ADGRA2: variants seen among roughly 807,000 people sequenced by gnomAD.
ADGRA2 encodes G-protein coupled receptor 124.
In ADGRA2, 61 loss-of-function variants were observed where a neutral mutation model predicts 98.7. The observed-to-expected ratio is 0.62, with a 90% CI of 0.50 to 0.76. ADGRA2 has a LOEUF of 0.76. ADGRA2 is among the 30% of genes least tolerant of loss of function. ADGRA2 has a pLI of 0.00. For synonymous variants in ADGRA2, 858 were observed against 831.5 expected, an observed-to-expected ratio of 1.03 and a Z score of -0.55; for missense variants, 1,712 against 1,860.0, an observed-to-expected ratio of 0.92 and a Z score of 1.46.
intron 1 of ADGRA2, among the ~76,000 whole-genome samples, chr8:37,803,732 A>G (rs1047338616): frequency 1.2e-4 from 18 of 152,228 alleles, no homozygotes; most frequent in Middle Eastern, 3.4e-3. Flanking sequence ...CCTGGGAGCC[A>G]GGGATGTGTG....
chr8:37,824,193 A>G (rs929769409), intron 2 of ADGRA2, among the ~76,000 whole-genome samples: 4 of 151,628 alleles, frequency 2.6e-5, no homozygotes, highest in African/African-American at 9.7e-5. Flanking sequence ...CACCACGCCC[A>G]GCTAATTTTT....
At chr8:37,824,454 T>C (rs1323128791) in intron 2 of ADGRA2, among the ~76,000 whole-genome samples, 1 of 152,120 alleles carries the variant, frequency 6.6e-6, no homozygotes, top group East Asian at 1.9e-4. Context: ...TTTGTGGTTC[T>C]CTTTCACTTT....
rs748212024 is a variant in ADGRA2 at position 37,844,713 on chromosome 8, G to A, written c.*2358G>A. 4 of 1,613,940 alleles carry A rather than the reference G, an allele frequency of 2.5e-6. No individual in the cohort carries two copies. The African/African-American group carries it at 5.3e-5, about 22-fold the overall frequency. ...AGGACTGGCCGGCCGCTTCCCCTGG[G>A]GTAAACCTAAGGAATTATTTCCCAC... On this transcript the variant is annotated 3_prime_UTR_variant, in exon 19 of 19. Coordinates refer to ENST00000412232, the MANE Select transcript of ADGRA2 (RefSeq NM_032777.10).
At position 37,797,000 on chromosome 8, in the gene ADGRA2, G is replaced by GGGCCGGGCGCTGAGACTCC. The variant is rs1804341526; in HGVS notation, c.-263_-245dup. ...AGGGGCCGGGCCTCCAGTGTCCCGAGGGCCGGGCGCTGAGACTCCGGCCGC... is the reference window on the plus strand; with the variant it reads ...AGGGGCCGGGCCTCCAGTGTCCCGAGGGCCGGGCGCTGAGACTCCGGCCGGGCGCTGAGACTCCGGCCGC... On this transcript the variant is annotated 5_prime_UTR_variant, in exon 1 of 19. It removes the in-frame stop codon of an upstream open reading frame in the 5' UTR. Transcript: ENST00000412232. The GGGCCGGGCGCTGAGACTCC allele has an allele frequency of 5.8e-6, 1 of 171,396 alleles. No homozygotes were observed. Among genetic ancestry groups the GGGCCGGGCGCTGAGACTCC allele is most frequent in the African/African-American group, 2.4e-5 (1 of 41,680 alleles). The allele number at this position is 171,396 out of a possible 1,614,324, so 10.6% of individuals were successfully genotyped here.
intron 1 of ADGRA2, among the ~76,000 whole-genome samples, chr8:37,804,370 G>A (rs1804600499): frequency 6.6e-6 from 1 of 152,172 alleles, no homozygotes; most frequent in Admixed American, 6.5e-5. Context: ...CAGTGACACT[G>A]CCCCAGGCAG....
chr8:37,840,642 C>G, intron 17 of ADGRA2, 118 bp from the exon 18 acceptor site: 1 of 691,554 alleles, frequency 1.4e-6, no homozygotes, highest in Non-Finnish European at 2.6e-6. Context: ...GCAAAAAATT[C>G]TGATAATTTA....
At chr8:37,840,068 G>A in intron 16 of ADGRA2, 53 bp from the exon 17 acceptor site, 1 of 1,485,002 alleles carries the variant, frequency 6.7e-7, no homozygotes, top group Admixed American at 2.1e-5. Flanking sequence ...GAAGCTCTGG[G>A]AGGGTCCAGT....
chr8:37,834,092 G>C lies in ADGRA2; in HGVS notation c.1572G>C (p.Gly524=), dbSNP rs1414824741. The change falls in exon 11 of 19, where the codon GGG becomes GGC. Residue 524 remains glycine (G), a synonymous_variant. Transcript: ENST00000412232. This position sits in a 1 kb window ranked among gnomAD's most constrained non-coding sequence, Gnocchi z 4.2. ...RIVGALERIG[G]AALSPHAQHI... ...TGGGTGCCCTGGAGCGCATTGGGGG[G>C]GCCGCCCTCAGCCCCCATGCCCAGC... The C allele has an allele frequency of 1.2e-6, 2 of 1,612,510 alleles. No individual in the cohort carries two copies. The highest frequency in any genetic ancestry group is 3.3e-5 in the Admixed American group (2 of 59,990).
At chr8:37,838,498 C>T (rs1432028010) in intron 14 of ADGRA2, among the ~76,000 whole-genome samples, 2 of 152,160 alleles carry the variant, frequency 1.3e-5, no homozygotes, top group Non-Finnish European at 2.9e-5. Context: ...AATGATCCGC[C>T]CGCCTCAGCC....
Position 37,842,269 on chromosome 8 carries a change from T to C in ADGRA2, c.3931T>C (p.Tyr1311His). 6.4e-7 allele frequency: 1 copy of C among 1,571,634 alleles called. No homozygotes were observed. ...AAACGGCGCCCCCAAGGGGGGCAAGTACGACGACGTCACCCTGATGGGCGC... is the reference window on the plus strand; with the variant it reads ...AAACGGCGCCCCCAAGGGGGGCAAGCACGACGACGTCACCCTGATGGGCGC... The part of the protein sequence containing the change: ...SLNGAPKGGK[Y>H]DDVTLMGAEV... Residue 1311 changes from tyrosine to histidine, a missense_variant, in exon 19 of 19, where the codon TAC becomes CAC. Transcript: ENST00000412232.
intron 2 of ADGRA2, among the ~76,000 whole-genome samples, chr8:37,820,177 T>TGA: frequency 6.6e-6 from 1 of 152,150 alleles, no homozygotes; most frequent in South Asian, 2.1e-4. Context: ...CAGGAGCATC[T>TGA]CCTTCACATG....
At chr8:37,829,699 C>A in intron 5 of ADGRA2, 140 bp downstream of exon 5, 1 of 975,300 alleles carries the variant, frequency 1.0e-6, no homozygotes, top group Non-Finnish European at 1.6e-6. Flanking sequence ...CCATGATCAC[C>A]TTCCCGCGAT....
intron 2 of ADGRA2, among the ~76,000 whole-genome samples, chr8:37,826,475 C>A (rs1471962510): frequency 2.0e-5 from 3 of 152,202 alleles, no homozygotes; most frequent in Non-Finnish European, 2.9e-5. Context: ...CAGCACACCC[C>A]AGCATGGAAG....
In ADGRA2 at chr8:37,816,366, G is replaced by A. The variant is rs1804981555; in HGVS notation, c.338+1399G>A. On this transcript the variant is annotated intron_variant, in intron 2 of 18. Transcript: ENST00000412232. ...CCAGCACTTTGGGAGGCCGAGGCGG[G>A]TGGATCACTTGAGGTCAGGAGTTCG... is the stretch of plus-strand genomic sequence containing the variant. 2.6e-5 allele frequency among the ~76,000 whole-genome samples: 4 copies of A among 152,170 alleles called. 1 individual carries two copies. In the South Asian group the frequency reaches 6.2e-4, roughly 24 times the overall value.
In ADGRA2 at chr8:37,839,521, GGCTGGCACAT is replaced by G. The variant is rs1563353724; in HGVS notation, c.2415_2424del (p.Trp805CysfsTer2). On this transcript the variant is annotated frameshift_variant, in exon 16 of 19. Transcript: ENST00000412232. LOFTEE classifies it high-confidence loss of function. ...CAGCTCCATCCGTGTGTCCCGGAAA[GGCTGGCACAT>G]GCTGCTGAACTTGTGCTTCCACATA... The G allele has an allele frequency of 6.2e-7, 1 of 1,614,188 alleles. No individual in the cohort carries two copies.
chr8:37,841,610 C>A lies in ADGRA2; in HGVS notation c.3272C>A (p.Ala1091Asp), dbSNP rs13267286. 7.1e-6 allele frequency: 11 copies of A among 1,548,664 alleles called. No individual in the cohort carries two copies. Among genetic ancestry groups the A allele is most frequent in the Admixed American group, 1.9e-5 (1 of 51,750 alleles). ...TGCTGCCCCCCTGCCTCTCCCGCGG[C>A]CCCCCATGCCCCGCCCCGGGCCCTG... The part of the protein sequence containing the change: ...RACCPPASPA[A>D]PHAPPRALPA... The change falls in exon 19 of 19, where the codon GCC becomes GAC. Residue 1091 changes from alanine (A) to aspartate (D), a missense_variant. Transcript: ENST00000412232. This position sits in a 1 kb window ranked among gnomAD's most constrained non-coding sequence, Gnocchi z 5.0.
chr8:37,816,961 C>CAT (rs1342562380), intron 2 of ADGRA2, among the ~76,000 whole-genome samples: 13 of 130,094 alleles, frequency 1.0e-4, no homozygotes, highest in Non-Finnish European at 2.1e-4. Context: ...CACACACACA[C>CAT]ACACACACAC....
chr8:37,797,286 C>T lies in ADGRA2; in HGVS notation c.18C>T (p.Arg6=). 7.7e-7 allele frequency: 1 copy of T among 1,300,180 alleles called. No homozygotes were observed. Among genetic ancestry groups the T allele is most frequent in the Non-Finnish European group, 9.7e-7 (1 of 1,031,152 alleles). The allele number at this position is 1,300,180 out of a possible 1,614,324, so 80.5% of individuals were successfully genotyped here. A position where few individuals can be genotyped will look rare whatever the true frequency, so the allele number is the denominator to read the frequency against. Residue 6 remains arginine, a synonymous_variant, in exon 1 of 19, where the codon CGC becomes CGT. Coordinates refer to ENST00000412232, the MANE Select transcript of ADGRA2 (RefSeq NM_032777.10). The surrounding 1 kb of genome is among the most constrained non-coding windows in gnomAD (Gnocchi z 5.3). ...ATGGGTTGATGGGCGCCGGGGGACG[C>T]AGGATGCGGGGGGCGCCCGCGCGCC... MGAGG[R]RMRGAPARLL...
intron 11 of ADGRA2, among the ~76,000 whole-genome samples, 158 bp from the exon 12 acceptor site, chr8:37,835,016 C>T (rs1805564224): frequency 7.0e-6 from 1 of 141,958 alleles, no homozygotes; most frequent in Non-Finnish European, 1.5e-5. Context: ...TAGCAAGAAT[C>T]TGTTCCTCTA....
Sources: gnomAD v4.1 joint callset for allele counts (sites outside exome capture counted in the v4.1 genomes callset) on GRCh38, gnomAD v4.1.1 for gene constraint, Gnocchi (gnomAD v3.1) non-coding constraint, MANE v1.5 for transcripts, NCBI Gene and HGNC (gene_info 2026-07-23, HGNC 2026-07-21) for gene names.